Variants in EPHX4 observed in about 807,000 individuals in gnomAD.
EPHX4 encodes epoxide hydrolase 4.
A neutral mutation model predicts 44.9 loss-of-function variants in EPHX4; 31 were observed. The ratio of observed to expected loss-of-function variants is 0.69; its 90% CI spans 0.52 to 0.93. The LOEUF (loss-of-function observed/expected upper bound fraction) is 0.93. EPHX4 is among the 40% of genes least tolerant of loss of function. The pLI is 0.00. For synonymous variants in EPHX4, 151 were observed against 159.7 expected (o/e 0.95, Z 0.41); for missense variants, 373 against 438.1 (o/e 0.85, Z 1.33).
chr1:92,042,378 G>A (rs1435085209), intron 2 of EPHX4, among the ~76,000 whole-genome samples: 1 of 152,022 alleles, frequency 6.6e-6, no homozygotes, highest in Non-Finnish European at 1.5e-5. Context: ...CTTACTTGCA[G>A]CTATATATCT....
chr1:92,061,109 A>T (rs1647485585), intron 6 of EPHX4, among the ~76,000 whole-genome samples: 1 of 152,058 alleles, frequency 6.6e-6, no homozygotes, highest in African/African-American at 2.4e-5. Flanking sequence ...TGAACTCCTG[A>T]CCTCAGGTGA....
intron 6 of EPHX4, among the ~76,000 whole-genome samples, chr1:92,056,192 A>G (rs1343278409): frequency 1.3e-5 from 2 of 152,144 alleles, no homozygotes; most frequent in African/African-American, 2.4e-5. Flanking sequence ...AAAGCTGAGT[A>G]TATCATTAAA....
chr1:92,030,485 T>TGTGTGTGTGAGTGA (rs1326928763), intron 1 of EPHX4, among the ~76,000 whole-genome samples, 175 bp downstream of exon 1: 1 of 138,650 alleles, frequency 7.2e-6, no homozygotes, highest in African/African-American at 2.8e-5. Flanking sequence ...TGTGTGTGTG[T>TGTGTGTGTGAGTGA]GAGAGAGAGA....
intron 6 of EPHX4, among the ~76,000 whole-genome samples, chr1:92,052,883 A>G (rs964741413): frequency 2.0e-5 from 3 of 152,240 alleles, no homozygotes; most frequent in African/African-American, 2.4e-5. Context: ...TGTTTTATCC[A>G]TAACTCTATC....
chr1:92,044,232 G>A (rs945899440), intron 3 of EPHX4, among the ~76,000 whole-genome samples: 6 of 152,132 alleles, frequency 3.9e-5, no homozygotes, highest in African/African-American at 1.4e-4. Flanking sequence ...GGGTCTGGGG[G>A]TGTCACATAC....
At chr1:92,038,114 A>C (rs960015507) in intron 2 of EPHX4, among the ~76,000 whole-genome samples, 2 of 152,212 alleles carry the variant, frequency 1.3e-5, no homozygotes, top group Non-Finnish European at 2.9e-5. Flanking sequence ...GGCTTCACTC[A>C]TTGTTAAAAG....
chr1:92,039,746 C>T (rs752594397), intron 2 of EPHX4, among the ~76,000 whole-genome samples: 6 of 152,010 alleles, frequency 3.9e-5, no homozygotes, highest in African/African-American at 1.2e-4. Flanking sequence ...CTCCATCTCC[C>T]GGGTTCAAGC....
intron 6 of EPHX4, among the ~76,000 whole-genome samples, chr1:92,060,040 T>C (rs979047054): frequency 4.6e-5 from 7 of 151,928 alleles, no homozygotes; most frequent in East Asian, 1.9e-4. Flanking sequence ...ATTTCACAAT[T>C]GATACAGACT....
chr1:92,044,202 T>A (rs752421282), intron 3 of EPHX4, among the ~76,000 whole-genome samples: 2 of 152,142 alleles, frequency 1.3e-5, no homozygotes, highest in Non-Finnish European at 2.9e-5. Context: ...CCAATATTTT[T>A]AGGGGAAAAA....
chr1:92,040,666 G>A (rs1688497533), intron 2 of EPHX4, among the ~76,000 whole-genome samples: 1 of 151,818 alleles, frequency 6.6e-6, no homozygotes, highest in Non-Finnish European at 1.5e-5. Context: ...TCACCATGTT[G>A]CCTAGGCTGG....
chr1:92,062,752 A>C (rs1341754482), intron 6 of EPHX4, among the ~76,000 whole-genome samples: 1 of 152,112 alleles, frequency 6.6e-6, no homozygotes, highest in Non-Finnish European at 1.5e-5. Context: ...AATGTTGATT[A>C]CTTAATGCAT....
At chr1:92,040,176 A>T (rs1231637816) in intron 2 of EPHX4, among the ~76,000 whole-genome samples, 6 of 112,148 alleles carry the variant, frequency 5.4e-5, no homozygotes, top group Admixed American at 2.4e-4. Flanking sequence ...TGTTACAATG[A>T]TTTTTTTTTT....
intron 5 of EPHX4, among the ~76,000 whole-genome samples, chr1:92,050,992 C>G (rs1207172251): frequency 6.6e-6 from 1 of 151,980 alleles, no homozygotes; most frequent in East Asian, 1.9e-4. Flanking sequence ...GCCACCATGC[C>G]CCGCTAGTTT....
intron 2 of EPHX4, among the ~76,000 whole-genome samples, chr1:92,040,652 G>A (rs1015389410): frequency 1.1e-4 from 17 of 151,924 alleles, no homozygotes; most frequent in Non-Finnish European, 1.9e-4. Flanking sequence ...GTAGAGACAG[G>A]GTTTCACCAT....
chr1:92,035,659 T>C (rs1356586746), intron 2 of EPHX4, among the ~76,000 whole-genome samples: 2 of 152,148 alleles, frequency 1.3e-5, no homozygotes, highest in African/African-American at 4.8e-5. Context: ...GACATGCAGG[T>C]TTGTTACATG....
At position 92,033,406 on chromosome 1, in the gene EPHX4, A is replaced by C. The variant is rs1688388729; in HGVS notation, c.317+816A>C. On this transcript the variant is annotated intron_variant, in intron 2 of 6. Coordinates refer to ENST00000370383, the MANE Select transcript of EPHX4 (RefSeq NM_173567.5). The stretch of plus-strand genomic sequence containing the variant: ...CAAATTTCTGAAATAGTAACAAAAC[A>C]GTTTGTATAGAGTATCTACTATAGA... 2.0e-5 allele frequency among the ~76,000 whole-genome samples: 3 copies of C among 152,292 alleles called. No homozygotes were observed. The South Asian group carries it at 6.2e-4, about 32-fold the overall frequency.
intron 6 of EPHX4, among the ~76,000 whole-genome samples, chr1:92,056,479 A>C (rs770316179): frequency 7.2e-5 from 11 of 152,186 alleles, no homozygotes; most frequent in Non-Finnish European, 1.3e-4. Context: ...GGACAAATCC[A>C]TAATTACTGT....
chr1:92,055,079 G>A (rs1380963861), intron 6 of EPHX4, among the ~76,000 whole-genome samples: 1 of 152,058 alleles, frequency 6.6e-6, no homozygotes. Flanking sequence ...AAAATGATCA[G>A]TTAAAAACTG....
chr1:92,054,134 A>T (rs748834986), intron 6 of EPHX4, among the ~76,000 whole-genome samples: 1 of 152,104 alleles, frequency 6.6e-6, no homozygotes, highest in Non-Finnish European at 1.5e-5. Flanking sequence ...TACCTCCATG[A>T]TTCTGGAATT....
Sources: gnomAD v4.1 joint callset for allele counts (sites outside exome capture counted in the v4.1 genomes callset) on GRCh38, gnomAD v4.1.1 for gene constraint, MANE v1.5 for transcripts, NCBI Gene and HGNC (gene_info 2026-07-23, HGNC 2026-07-21) for gene names.